The following MUC7 variants were observed in gnomAD, a reference collection of about 807,000 sequenced individuals.
MUC7 encodes the protein mucin 7, secreted.
Under a neutral mutation model 2.5 loss-of-function variants are expected in MUC7, and 2 were observed. The ratio of observed to expected loss-of-function variants is 0.81; its 90% CI spans 0.33 to 2.55. MUC7 has a LOEUF of 2.55. Among genes scored for constraint, MUC7 ranks in the 30% most tolerant of loss-of-function variants. The pLI is 0.11. For synonymous variants in MUC7, 133 were observed against 173.4 expected, an observed-to-expected ratio of 0.77 and a Z score of 1.83; for missense variants, 408 against 455.6, an observed-to-expected ratio of 0.90 and a Z score of 0.95.
chr4:70,430,707 C>T (rs980521605), intron 1 of MUC7: 10 of 152,040 alleles, frequency 6.6e-5, no homozygotes, highest in African/African-American at 1.9e-4. Context: ...TGGGAATTCA[C>T]AAATTAAGAC....
At chr4:70,476,770 G>C (rs1735017951) in intron 2 of MUC7, among the ~76,000 whole-genome samples, 1 of 152,180 alleles carries the variant, frequency 6.6e-6, no homozygotes, top group African/African-American at 2.4e-5. Context: ...CTGGGTGACA[G>C]AGCGAGACTC....
At chr4:70,456,736 A>G (rs190850397) in intron 1 of MUC7, among the ~76,000 whole-genome samples, 1 of 152,354 alleles carries the variant, frequency 6.6e-6, no homozygotes, top group East Asian at 1.9e-4. Flanking sequence ...CACAGAGCCA[A>G]ACCATAGCAA....
chr4:70,448,381 T>C (rs1577902350), intron 1 of MUC7, among the ~76,000 whole-genome samples: 1 of 152,326 alleles, frequency 6.6e-6, no homozygotes, highest in Non-Finnish European at 1.5e-5. Flanking sequence ...CCACAGTGTT[T>C]GTACTAATTT....
upstream of MUC7, among the ~76,000 whole-genome samples, chr4:70,468,821 G>T (rs1734747604): frequency 6.6e-6 from 1 of 152,106 alleles, no homozygotes; most frequent in Non-Finnish European, 1.5e-5. Context: ...CATCAAAATG[G>T]CCATAGTGCC....
intron 1 of MUC7, among the ~76,000 whole-genome samples, chr4:70,450,534 C>T (rs575793011): frequency 6.6e-6 from 1 of 152,268 alleles, no homozygotes; most frequent in Admixed American, 6.5e-5. Flanking sequence ...TGATAGCCAC[C>T]ACAGCAGATA....
At chr4:70,473,162 C>G (rs1231080647) in intron 1 of MUC7, among the ~76,000 whole-genome samples, 1 of 152,110 alleles carries the variant, frequency 6.6e-6, no homozygotes, top group Non-Finnish European at 1.5e-5. Flanking sequence ...CGGCCAGACA[C>G]GGTGGCTCAC....
In MUC7 at chr4:70,474,040, T is replaced by C. The variant is rs1374043785; in HGVS notation, c.19T>C (p.Phe7Leu). 1 of 1,613,326 alleles carries C rather than the reference T, an allele frequency of 6.2e-7. No homozygotes were observed. The highest frequency in any genetic ancestry group is 8.5e-7 in the Non-Finnish European group (1 of 1,179,524). Residue 7 changes from phenylalanine to leucine, a missense_variant, in exon 2 of 3, where the codon TTT becomes CTT. By Grantham distance (22) the Phe-to-Leu change is conservative. This residue lies in a region of MUC7 where 225 missense variants were observed against 240.5 expected (regional missense o/e 0.94). Transcript: ENST00000304887. ...AGAAAGAATGAAAACTCTGCCGCTG[T>C]TTGTGTGCATCTGTGCACTGAGTGC... Reference protein sequence around the residue: MKTLPLFVCICALSACF... With the variant: MKTLPLLVCICALSACF...
intron 1 of MUC7, among the ~76,000 whole-genome samples, chr4:70,433,495 G>A (rs2109785019): frequency 1.3e-5 from 2 of 152,276 alleles, no homozygotes; most frequent in East Asian, 3.9e-4. Flanking sequence ...TGTAGTAATT[G>A]TGAATGGGAG....
At chr4:70,465,832 T>A (rs1008930463) in intron 1 of MUC7, among the ~76,000 whole-genome samples, 1 of 152,156 alleles carries the variant, frequency 6.6e-6, no homozygotes, top group Non-Finnish European at 1.5e-5. Flanking sequence ...TTTCAAGATA[T>A]TATCCAGGAG....
intron 1 of MUC7, among the ~76,000 whole-genome samples, chr4:70,452,690 T>C (rs1019156118): frequency 6.6e-6 from 1 of 152,240 alleles, no homozygotes; most frequent in African/African-American, 2.4e-5. Flanking sequence ...GGTTCATCTT[T>C]TCATCTTTCC....
chr4:70,442,957 T>TTAAATTAAA (rs1208912265), intron 1 of MUC7, among the ~76,000 whole-genome samples: 1 of 152,178 alleles, frequency 6.6e-6, no homozygotes, highest in Non-Finnish European at 1.5e-5. Context: ...GTCATTTAAA[T>TTAAATTAAA]TCTATTGCTT....
rs189948462 is a variant in MUC7, at chr4:70,431,789, G to A, written c.-93+1102G>A. The stretch of plus-strand genomic sequence containing the variant: ...ATACTTTAAGTTCTAGGGTACATGT[G>A]CACAACGCGCAGGTTTCTTACATAT... On this transcript the variant is annotated intron_variant, in intron 1 of 3. Coordinates refer to the MUC7 transcript ENST00000413702. Among the ~76,000 whole-genome samples, 60 of 152,072 alleles carry A rather than the reference G, an allele frequency of 3.9e-4. No individual in the cohort carries two copies. The East Asian group carries it at 0.011, about 27-fold the overall frequency.
At chr4:70,438,501 G>A (rs1733919932) in intron 1 of MUC7, among the ~76,000 whole-genome samples, 1 of 152,090 alleles carries the variant, frequency 6.6e-6, no homozygotes, top group African/African-American at 2.4e-5. Context: ...TCTGTCACCA[G>A]GTTGGAGTGC....
At chr4:70,449,436 G>C (rs964828471) in intron 1 of MUC7, among the ~76,000 whole-genome samples, 2 of 152,170 alleles carry the variant, frequency 1.3e-5, no homozygotes, top group African/African-American at 4.8e-5. Flanking sequence ...CATGAGAACA[G>C]TATGGGGAAA....
chr4:70,449,256 T>C (rs1388634347), intron 1 of MUC7, among the ~76,000 whole-genome samples: 2 of 152,160 alleles, frequency 1.3e-5, no homozygotes, highest in African/African-American at 4.8e-5. Flanking sequence ...GGGTAATTTA[T>C]ACAGAAGAGG....
chr4:70,430,721 T>C (rs1577893655), intron 1 of MUC7: 1 of 152,260 alleles, frequency 6.6e-6, no homozygotes, highest in South Asian at 2.1e-4. Context: ...TTAAGACTTT[T>C]GAATAGAGAA....
At chr4:70,469,650 T>C (rs1375885584), upstream of MUC7, among the ~76,000 whole-genome samples, 4 of 151,934 alleles carry the variant, frequency 2.6e-5, no homozygotes, top group Non-Finnish European at 4.4e-5. Context: ...AACAAATATA[T>C]GAAAAAAGGC....
intron 1 of MUC7, among the ~76,000 whole-genome samples, chr4:70,447,888 C>A (rs574024507): frequency 6.6e-6 from 1 of 152,106 alleles, no homozygotes. Flanking sequence ...CTTATTCATT[C>A]TTTCCATTTG....
intron 1 of MUC7, among the ~76,000 whole-genome samples, chr4:70,454,870 T>G (rs1734376340): frequency 6.6e-6 from 1 of 152,192 alleles, no homozygotes; most frequent in Non-Finnish European, 1.5e-5. Flanking sequence ...ATATTTGAAA[T>G]TTTGCAAAAA....
Sources: gnomAD v4.1 joint callset for allele counts (sites outside exome capture counted in the v4.1 genomes callset) on GRCh38, gnomAD v4.1.1 for gene constraint, gnomAD v4.1.1 regional missense constraint, MANE v1.5 for transcripts, NCBI Gene and HGNC (gene_info 2026-07-23, HGNC 2026-07-21) for gene names.